The following CASKIN2 variants were observed in gnomAD, a reference collection of about 807,000 sequenced individuals.
CASKIN2 encodes the protein CASK interacting protein 2, also known as caskin-2.
In CASKIN2, 41 loss-of-function variants were observed where a neutral mutation model predicts 107.1. That is an observed-to-expected ratio of 0.38 (90% confidence interval 0.30 to 0.50). CASKIN2 has a LOEUF of 0.50. CASKIN2 is among the 20% of genes least tolerant of loss of function. The pLI is 0.92. For missense variants in CASKIN2, 1,546 were observed against 1,657.4 expected (o/e 0.93, Z 1.17); for synonymous variants, 724 against 705.6 (o/e 1.03, Z -0.41).
At chr17:75,509,402 G>A (rs926635534) in intron 2 of CASKIN2, among the ~76,000 whole-genome samples, 1 of 152,218 alleles carries the variant, frequency 6.6e-6, no homozygotes, top group Non-Finnish European at 1.5e-5. Flanking sequence ...GCCTGGGGAA[G>A]ACAGGGCTTC....
At chr17:75,501,402 G>A (rs2053181214) in intron 19 of CASKIN2, 66 bp downstream of exon 19, 23 of 1,503,438 alleles carry the variant, frequency 1.5e-5, no homozygotes, top group Non-Finnish European at 2.1e-5. Flanking sequence ...ATGATCCCTG[G>A]GCAGAGGATG....
intron 14 of CASKIN2, 107 bp from the exon 15 acceptor site, chr17:75,504,069 C>A: frequency 8.3e-7 from 1 of 1,197,920 alleles, no homozygotes; most frequent in Non-Finnish European, 1.2e-6. Flanking sequence ...CATACAGAGG[C>A]TCTTGCCTCT....
At chr17:75,509,968 T>A (rs2053303106) in intron 2 of CASKIN2, 1 of 978,550 alleles carries the variant, frequency 1.0e-6, no homozygotes, top group Admixed American at 6.2e-5. Context: ...GGAAAGGCGG[T>A]GGGGAAGAGG....
chr17:75,505,394 T>TA lies in CASKIN2; in HGVS notation c.930+162dup. On this transcript the variant is annotated intron_variant, in intron 10 of 19. Transcript: ENST00000321617. The surrounding 1 kb of genome is among the most constrained non-coding windows in gnomAD (Gnocchi z 5.1). ...GTTTAATTCTCAATTTTGTCATCTGTAAAGAAGAAATGCTAACAGCACTGC... is the reference window on the plus strand; with the variant it reads ...GTTTAATTCTCAATTTTGTCATCTGTAAAAGAAGAAATGCTAACAGCACTGC... 1 of 710,716 alleles carries TA rather than the reference T, an allele frequency of 1.4e-6. No individual in the cohort carries two copies. Among genetic ancestry groups the TA allele is most frequent in the East Asian group, 2.5e-5 (1 of 40,132 alleles). The allele number at this position is 710,716 out of a possible 1,614,324, so 44.0% of individuals were successfully genotyped here.
chr17:75,503,833 T>C lies in CASKIN2; in HGVS notation c.1578+19A>G, dbSNP rs534517934. 6.8e-6 allele frequency: 11 copies of C among 1,611,126 alleles called. No homozygotes were observed. In the South Asian group the frequency reaches 8.8e-5, roughly 13 times the overall value. On this transcript the variant is annotated intron_variant, in intron 15 of 19. Transcript: ENST00000321617. Reference sequence around the variant, plus strand: ...CCTCCCCCGCCCGCTGGGTGCTGCTTCCCGGCTGCAGCACCCACCTCAGGT... The same window carrying C: ...CCTCCCCCGCCCGCTGGGTGCTGCTCCCCGGCTGCAGCACCCACCTCAGGT...
At chr17:75,507,908 C>G (rs528763508) in intron 3 of CASKIN2, 5 of 582,512 alleles carry the variant, frequency 8.6e-6, no homozygotes, top group South Asian at 4.3e-5. Context: ...CCCAGCTGGC[C>G]CAGGGGAGGG....
At position 75,501,917 on chromosome 17, in the gene CASKIN2, G is replaced by C; in HGVS notation, c.3157C>G (p.Leu1053Val). Residue 1053 changes from leucine to valine, a missense_variant, in exon 18 of 20, where the codon CTT becomes GTT. Leu to Val is a conservative substitution (Grantham distance 32). Transcript: ENST00000321617. ...GGCTGCATGGCGGGGCTGGGAGCAA[G>C]GGGGGTTGGAACTCCTTGGGCTGGA... ...SLPAQGVPTPLAPSPAMQPPV... is the reference protein window; with the variant it reads ...SLPAQGVPTPVAPSPAMQPPV... 6.3e-7 allele frequency: 1 copy of C among 1,582,642 alleles called. No individual in the cohort carries two copies. Among genetic ancestry groups the C allele is most frequent in the South Asian group, 1.2e-5 (1 of 85,844 alleles).
chr17:75,509,078 C>G (rs943981119), intron 2 of CASKIN2, among the ~76,000 whole-genome samples: 7 of 152,238 alleles, frequency 4.6e-5, no homozygotes, highest in African/African-American at 1.7e-4. Flanking sequence ...GACTCCACAC[C>G]TCCAGGGTCT....
In CASKIN2 at chr17:75,500,481, T is replaced by C. The variant is rs2053159570; in HGVS notation, c.*599A>G. The C allele has an allele frequency of 6.5e-6, 1 of 153,282 alleles. No homozygotes were observed. The highest frequency in any genetic ancestry group is 6.4e-5 in the Admixed American group (1 of 15,524). The allele number at this position is 153,282 out of a possible 1,614,324, so 9.5% of individuals were successfully genotyped here. Reference sequence around the variant, plus strand: ...ATTTCTCTCTGCTTAGAAAATAACATTTACAATTGAAAAGTTAGGACTTGT... The same window carrying C: ...ATTTCTCTCTGCTTAGAAAATAACACTTACAATTGAAAAGTTAGGACTTGT... On this transcript the variant is annotated 3_prime_UTR_variant, in exon 20 of 20. Coordinates refer to ENST00000321617, the MANE Select transcript of CASKIN2 (RefSeq NM_020753.5).
In CASKIN2 at chr17:75,505,603, A is replaced by C; in HGVS notation, c.884T>G (p.Leu295Arg). 6.2e-7 allele frequency: 1 copy of C among 1,613,548 alleles called. No individual in the cohort carries two copies. The highest frequency in any genetic ancestry group is 8.5e-7 in the Non-Finnish European group (1 of 1,179,990). The part of the protein sequence containing the change: ...KVRALKDFWN[L>R]HDPTALNVRA... ...GACATTGAGAGCAGTGGGATCGTGG[A>C]GGTTCCAGAAATCCTTGAGCGCTCG... The change falls in exon 10 of 20, where the codon CTC becomes CGC. Residue 295 changes from leucine (L) to arginine (R), a missense_variant. Physicochemically the swap from Leu to Arg is moderately radical, Grantham distance 102. Around this residue, in one of 6 missense-constraint regions of CASKIN2, gnomAD observed 1,311 missense variants for 1,311.0 expected, o/e 1.00. Coordinates refer to ENST00000321617, the MANE Select transcript of CASKIN2 (RefSeq NM_020753.5). This position sits in a 1 kb window ranked among gnomAD's most constrained non-coding sequence, Gnocchi z 5.1.
Position 75,501,634 on chromosome 17 carries a change from T to G in CASKIN2, c.3352A>C (p.Lys1118Gln). 2 of 1,595,092 alleles carry G rather than the reference T, an allele frequency of 1.3e-6. No individual in the cohort carries two copies. Among genetic ancestry groups the G allele is most frequent in the Non-Finnish European group, 1.7e-6 (2 of 1,170,070 alleles). The change falls in exon 19 of 20, where the codon AAG becomes CAG. Residue 1118 changes from lysine (K) to glutamine (Q), a missense_variant. Physicochemically the swap from Lys to Gln is moderately conservative, Grantham distance 53. Around this residue, in one of 6 missense-constraint regions of CASKIN2, gnomAD observed 1,311 missense variants for 1,311.0 expected, o/e 1.00. Coordinates refer to ENST00000321617, the MANE Select transcript of CASKIN2 (RefSeq NM_020753.5). ...ACTQLAFSGP[K>Q]LAPRLGPRPV... ...CGGGGGCCGAGCCGGGGCGCTAGCTTAGGGCCAGAAAATGCCAGCTGGGTG... is the reference window on the plus strand; with the variant it reads ...CGGGGGCCGAGCCGGGGCGCTAGCTGAGGGCCAGAAAATGCCAGCTGGGTG...
chr17:75,501,174 C>G lies in CASKIN2; in HGVS notation c.3519-4G>C, dbSNP rs917468161. ...CTTGGTGGAGGCGCTGGGGGTGCTG[C>G]AGCAAGGGGAAGGATGCGGTCAGAT... On this transcript the variant is annotated splice_polypyrimidine_tract_variant and splice_region_variant and intron_variant, in intron 19 of 19. Coordinates refer to ENST00000321617, the MANE Select transcript of CASKIN2 (RefSeq NM_020753.5). 4 of 1,580,578 alleles carry G rather than the reference C, an allele frequency of 2.5e-6. No homozygotes were observed. In the African/African-American group the frequency reaches 5.4e-5, roughly 21 times the overall value.
Position 75,502,380 on chromosome 17 carries a change from C to G in CASKIN2, c.2694G>C (p.Gly898=). The change falls in exon 18 of 20, where the codon GGG becomes GGC. Residue 898 remains glycine, a synonymous_variant. Coordinates refer to ENST00000321617, the MANE Select transcript of CASKIN2 (RefSeq NM_020753.5). This position sits in a 1 kb window ranked among gnomAD's most constrained non-coding sequence, Gnocchi z 4.3. ...GTGTTCGCCTTCGGGGCCCTGTGGC[C>G]CCTTCCTTGGGCCCTGGGCTCTCAT... ...PLDESPGPKE[G]ATGPRRRTLS... The G allele has an allele frequency of 1.4e-6, 2 of 1,477,202 alleles. No individual in the cohort carries two copies. Among genetic ancestry groups the G allele is most frequent in the South Asian group, 1.4e-5 (1 of 69,854 alleles). The allele number at this position is 1,477,202 out of a possible 1,614,324, so 91.5% of individuals were successfully genotyped here.
chr17:75,504,682 T>G lies in CASKIN2; in HGVS notation c.1204A>C (p.Asn402His). 6.3e-7 allele frequency: 1 copy of G among 1,596,524 alleles called. No individual in the cohort carries two copies. The highest frequency in any genetic ancestry group is 8.6e-7 in the Non-Finnish European group (1 of 1,169,240). The change falls in exon 12 of 20, where the codon AAT becomes CAT. Residue 402 changes from asparagine (N) to histidine (H), a missense_variant. Physicochemically the swap from Asn to His is moderately conservative, Grantham distance 68 (BLOSUM62 1). Coordinates refer to ENST00000321617, the MANE Select transcript of CASKIN2 (RefSeq NM_020753.5). Reference protein sequence around the residue: ...LSPDSPAGDRNSVGSEGSVGS... With the variant: ...LSPDSPAGDRHSVGSEGSVGS... ...ACGCTGCCCTCACTGCCCACACTATTCCTGTCACCTGCTGTGGGGGGCAGA... is the reference window on the plus strand; with the variant it reads ...ACGCTGCCCTCACTGCCCACACTATGCCTGTCACCTGCTGTGGGGGGCAGA...
rs1311735220 is a variant in CASKIN2 at position 75,504,828 on chromosome 17, G to A, written c.1176C>T (p.Leu392=). The A allele has an allele frequency of 5.0e-6, 8 of 1,611,000 alleles. No individual in the cohort carries two copies. In the South Asian group the frequency reaches 8.8e-5, roughly 18 times the overall value. Residue 392 remains leucine (L), a synonymous_variant, in exon 11 of 20, where the codon CTC becomes CTT. Coordinates refer to ENST00000321617, the MANE Select transcript of CASKIN2 (RefSeq NM_020753.5). ...AGGATGTACCTGGGCTGTCTGGGCT[G>A]AGGCCCACCCGAGGAAGCTGGCTGT... ...LTYSQLPRVG[L]SPDSPAGDRN...
At position 75,503,688 on chromosome 17, in the gene CASKIN2, T is replaced by C. The variant is rs1254833312; in HGVS notation, c.1651A>G (p.Ile551Val). 14 of 1,612,306 alleles carry C rather than the reference T, an allele frequency of 8.7e-6. No homozygotes were observed. The highest frequency in any genetic ancestry group is 1.2e-5 in the Non-Finnish European group (14 of 1,180,006). ...KIASEIAQLS[I>V]AEWLPSYIPT... ...ATGTAGCTGGGCAGCCACTCGGCGA[T>C]GCTGAGCTGAGCGATCTCTGAGGCG... The change falls in exon 16 of 20, where the codon ATC becomes GTC. Residue 551 changes from isoleucine to valine, a missense_variant. This residue lies in a region of CASKIN2 where 1,311 missense variants were observed against 1,311.0 expected (regional missense o/e 1.00). Transcript: ENST00000321617.
At chr17:75,504,098 C>A (rs954330605) in intron 14 of CASKIN2, 117 bp downstream of exon 14, 1 of 1,136,590 alleles carries the variant, frequency 8.8e-7, no homozygotes, top group Non-Finnish European at 1.3e-6. Context: ...CTACCCACCC[C>A]GAGGCCCACA....
Position 75,503,641 on chromosome 17 carries a change from C to T in CASKIN2, c.1680+18G>A. 1 of 1,610,282 alleles carries T rather than the reference C, an allele frequency of 6.2e-7. No homozygotes were observed. ...TGACAGCACGTGCCCCACTCCCCAGCCACCCTTGATGGCTCACTGGGATGT... is the reference window on the plus strand; with the variant it reads ...TGACAGCACGTGCCCCACTCCCCAGTCACCCTTGATGGCTCACTGGGATGT... On this transcript the variant is annotated intron_variant, in intron 16 of 19. Coordinates refer to ENST00000321617, the MANE Select transcript of CASKIN2 (RefSeq NM_020753.5).
In CASKIN2 at chr17:75,501,923, T is replaced by C. The variant is rs964842021; in HGVS notation, c.3151A>G (p.Thr1051Ala). The C allele has an allele frequency of 1.9e-6, 3 of 1,584,600 alleles. No individual in the cohort carries two copies. In the African/African-American group the frequency reaches 4.0e-5, roughly 21 times the overall value. ...PSSLPAQGVP[T>A]PLAPSPAMQP... ...ATGGCGGGGCTGGGAGCAAGGGGGG[T>C]TGGAACTCCTTGGGCTGGAAGGCTG... The change falls in exon 18 of 20, where the codon ACC becomes GCC. Residue 1051 changes from threonine to alanine, a missense_variant. Around this residue, in one of 6 missense-constraint regions of CASKIN2, gnomAD observed 1,311 missense variants for 1,311.0 expected, o/e 1.00. Transcript: ENST00000321617.
Sources: gnomAD v4.1 joint callset for allele counts (sites outside exome capture counted in the v4.1 genomes callset) on GRCh38, gnomAD v4.1.1 for gene constraint, gnomAD v4.1.1 regional missense constraint, Gnocchi (gnomAD v3.1) non-coding constraint, MANE v1.5 for transcripts, NCBI Gene and HGNC (gene_info 2026-07-23, HGNC 2026-07-21) for gene names.